Variants in LSAMP observed in about 807,000 individuals in gnomAD.
LSAMP encodes limbic system-associated membrane protein.
Under a neutral mutation model 38.6 loss-of-function variants are expected in LSAMP, and 7 were observed. The ratio of observed to expected loss-of-function variants is 0.18; its 90% confidence interval spans 0.10 to 0.34. The LOEUF (loss-of-function observed/expected upper bound fraction) is 0.34, where lower values mean the gene tolerates loss of function less well. Among genes scored for constraint, LSAMP ranks in the 10% least tolerant of loss-of-function variants. The pLI is 1.00. For synonymous variants in LSAMP, 154 were observed against 166.8 expected, an observed-to-expected ratio of 0.92 and a Z score of 0.59; for missense variants, 313 against 420.0, an observed-to-expected ratio of 0.75 and a Z score of 2.23.
At chr3:116,231,085 A>G (rs2046397735) in intron 1 of LSAMP, among the ~76,000 whole-genome samples, 1 of 152,182 alleles carries the variant, frequency 6.6e-6, no homozygotes, top group Non-Finnish European at 1.5e-5. Flanking sequence ...GGGTCACTAT[A>G]AAGACCACAA....
chr3:116,209,273 G>A (rs776192643), intron 1 of LSAMP, among the ~76,000 whole-genome samples: 24 of 152,204 alleles, frequency 1.6e-4, no homozygotes, highest in South Asian at 6.2e-4. Context: ...CACGGTGCGC[G>A]CACCCACTGA....
At position 116,033,616 on chromosome 3, in the gene LSAMP, G is replaced by A. The variant is rs75412623; in HGVS notation, c.389-13976C>T. ...AAGCAGTCTCTCCGTAACATGCTGC[G>A]GGGCCAGAGCACTCTAGCGAATGAT... is the stretch of plus-strand genomic sequence containing the variant. On this transcript the variant is annotated intron_variant, in intron 2 of 6. Coordinates refer to ENST00000490035, the MANE Select transcript of LSAMP (RefSeq NM_002338.5). Among the ~76,000 whole-genome samples the A allele has an allele frequency of 1.2e-4, 18 of 152,170 alleles. 1 individual carries two copies. The South Asian group carries it at 3.3e-3, about 28-fold the overall frequency.
At chr3:115,874,639 G>T (rs1366454172) in intron 3 of LSAMP, among the ~76,000 whole-genome samples, 2 of 152,082 alleles carry the variant, frequency 1.3e-5, no homozygotes, top group Non-Finnish European at 2.9e-5. Context: ...TAGATGCTGA[G>T]TGAAGACACA....
At chr3:116,114,213 G>A (rs1039578963) in intron 1 of LSAMP, among the ~76,000 whole-genome samples, 1 of 152,046 alleles carries the variant, frequency 6.6e-6, no homozygotes, top group Non-Finnish European at 1.5e-5. Flanking sequence ...TCTTTCCTGA[G>A]GTATTCTTCA....
chr3:116,379,218 T>C (rs2048528669), intron 1 of LSAMP, among the ~76,000 whole-genome samples: 1 of 152,034 alleles, frequency 6.6e-6, no homozygotes, highest in Non-Finnish European at 1.5e-5. Flanking sequence ...GATGATTATT[T>C]TTAATTAACC....
At chr3:116,025,226 T>TAG (rs1940757425) in intron 2 of LSAMP, among the ~76,000 whole-genome samples, 1 of 152,134 alleles carries the variant, frequency 6.6e-6, no homozygotes, top group Admixed American at 6.5e-5. Context: ...TATTTTCCTA[T>TAG]ATATAATGCC....
intron 1 of LSAMP, among the ~76,000 whole-genome samples, chr3:116,279,345 C>G (rs925542546): frequency 1.3e-5 from 2 of 152,204 alleles, no homozygotes; most frequent in Non-Finnish European, 2.9e-5. Context: ...GGCCTGATTT[C>G]CAACTAGGCT....
chr3:116,004,535 TAC>T (rs796455910), intron 3 of LSAMP, among the ~76,000 whole-genome samples: 1,632 of 149,188 alleles, frequency 0.011, 34 homozygotes, highest in African/African-American at 0.037. Flanking sequence ...TATATATATA[TAC>T]ACACACACAC....
chr3:116,108,247 G>GA (rs1708513284), intron 1 of LSAMP, among the ~76,000 whole-genome samples: 1 of 152,156 alleles, frequency 6.6e-6, no homozygotes, highest in Non-Finnish European at 1.5e-5. Context: ...TGTAATCCAG[G>GA]AATAGTCAGG....
chr3:116,011,727 T>C (rs1170471944), intron 3 of LSAMP, among the ~76,000 whole-genome samples: 1 of 152,110 alleles, frequency 6.6e-6, no homozygotes, highest in African/African-American at 2.4e-5. Context: ...CCAAGGAAAA[T>C]ACTCAAGATA....
chr3:116,085,082 A>C (rs997943451), intron 2 of LSAMP, among the ~76,000 whole-genome samples: 3 of 152,330 alleles, frequency 2.0e-5, no homozygotes, highest in Non-Finnish European at 2.9e-5. Flanking sequence ...AGGTTGCCTA[A>C]GATCCATACC....
chr3:115,852,030 T>C (rs909116554), intron 4 of LSAMP, among the ~76,000 whole-genome samples: 1 of 152,236 alleles, frequency 6.6e-6, no homozygotes, highest in East Asian at 1.9e-4. Flanking sequence ...AGAGTGGCTC[T>C]AATTTGTTCC....
intron 1 of LSAMP, among the ~76,000 whole-genome samples, chr3:116,433,269 T>C (rs2049306271): frequency 6.6e-6 from 1 of 151,810 alleles, no homozygotes; most frequent in Non-Finnish European, 1.5e-5. Flanking sequence ...GGGTGGCAAA[T>C]AGTAGCATAA....
chr3:116,143,311 A>C (rs531869187), intron 1 of LSAMP, among the ~76,000 whole-genome samples: 4 of 151,942 alleles, frequency 2.6e-5, no homozygotes, highest in Non-Finnish European at 5.9e-5. Context: ...ATATGTTTGC[A>C]TAGAGTTGTT....
At chr3:116,174,240 A>T (rs577430455) in intron 1 of LSAMP, among the ~76,000 whole-genome samples, 1 of 152,104 alleles carries the variant, frequency 6.6e-6, no homozygotes, top group South Asian at 2.1e-4. Context: ...ATTGATAATG[A>T]CACCTTGCTT....
chr3:116,258,534 C>A (rs754561040), intron 1 of LSAMP, among the ~76,000 whole-genome samples: 4 of 151,816 alleles, frequency 2.6e-5, no homozygotes, highest in Non-Finnish European at 4.4e-5. Flanking sequence ...TAACAGAATT[C>A]TAAAAGAAAA....
intron 1 of LSAMP, among the ~76,000 whole-genome samples, chr3:116,371,106 A>C (rs2048424109): frequency 6.6e-6 from 1 of 152,218 alleles, no homozygotes; most frequent in South Asian, 2.1e-4. Flanking sequence ...TGATGGCTTC[A>C]CTGGTGAATG....
chr3:116,158,392 T>C (rs1269656708), intron 1 of LSAMP, among the ~76,000 whole-genome samples: 2 of 152,010 alleles, frequency 1.3e-5, no homozygotes, highest in African/African-American at 2.4e-5. Context: ...GGTATCCAAA[T>C]AGGAAGTCAA....
chr3:116,294,645 G>A (rs145075262), intron 1 of LSAMP, among the ~76,000 whole-genome samples: 2,595 of 152,042 alleles, frequency 0.017, 68 homozygotes, highest in African/African-American at 0.057. Context: ...AACACACAAC[G>A]TTACAAGCTT....
Sources: gnomAD v4.1 joint callset for allele counts (sites outside exome capture counted in the v4.1 genomes callset) on GRCh38, gnomAD v4.1.1 for gene constraint, MANE v1.5 for transcripts, NCBI Gene and HGNC (gene_info 2026-07-23, HGNC 2026-07-21) for gene names.